Variants in STIM1 observed in about 807,000 individuals in gnomAD.
The protein encoded by STIM1 is stromal interaction molecule 1.
In STIM1, 25 loss-of-function variants were observed where a neutral mutation model predicts 74.7. The observed-to-expected ratio is 0.33, with a 90% CI of 0.24 to 0.47. The LOEUF (loss-of-function observed/expected upper bound fraction) is 0.47. Ranked by LOEUF, STIM1 falls within the 20% of genes least tolerant of loss-of-function variation. STIM1 has a pLI of 1.00. For synonymous variants in STIM1, 328 were observed against 348.8 expected (o/e 0.94, Z 0.66); for missense variants, 728 against 920.8 (o/e 0.79, Z 2.71).
At chr11:3,925,268 G>A (rs548302535) in intron 1 of STIM1, among the ~76,000 whole-genome samples, 9 of 152,276 alleles carry the variant, frequency 5.9e-5, no homozygotes, top group Admixed American at 1.3e-4. Context: ...GGTGGCGCAC[G>A]CCTGTAGTCC....
At chr11:3,888,800 T>C (rs1012143653) in intron 1 of STIM1, among the ~76,000 whole-genome samples, 6 of 152,066 alleles carry the variant, frequency 3.9e-5, no homozygotes, top group African/African-American at 1.2e-4. Flanking sequence ...GATCCGCCCG[T>C]GTCGGCTTCC....
intron 3 of STIM1, among the ~76,000 whole-genome samples, chr11:4,046,174 C>A (rs1000579377): frequency 7.1e-6 from 1 of 141,322 alleles, no homozygotes; most frequent in Non-Finnish European, 1.5e-5. Context: ...CAGTGATTCT[C>A]ATGCCTTAGC....
chr11:3,964,504 A>C (rs373441785), intron 1 of STIM1, among the ~76,000 whole-genome samples: 51 of 152,324 alleles, frequency 3.3e-4, no homozygotes, highest in African/African-American at 1.2e-3. Flanking sequence ...GTTACAAACC[A>C]GAGACTGGGT....
chr11:3,966,021 C>A (rs1307683104), intron 1 of STIM1, among the ~76,000 whole-genome samples: 1 of 151,928 alleles, frequency 6.6e-6, no homozygotes, highest in African/African-American at 2.4e-5. Context: ...AACAAACAAA[C>A]AAACAAACAA....
intron 1 of STIM1, among the ~76,000 whole-genome samples, chr11:3,883,778 A>G (rs2135338591): frequency 6.6e-6 from 1 of 152,378 alleles, no homozygotes; most frequent in East Asian, 1.9e-4. Flanking sequence ...GGATGTTAAT[A>G]AATGCTAAAT....
At position 4,091,295 on chromosome 11, in the gene STIM1, T is replaced by C; in HGVS notation, c.1648T>C (p.Ser550Pro). 1 of 1,614,210 alleles carries C rather than the reference T, an allele frequency of 6.2e-7. No individual in the cohort carries two copies. Among genetic ancestry groups the C allele is most frequent in the East Asian group, 2.2e-5 (1 of 44,886 alleles). The change falls in exon 13 of 13, where the codon TCC becomes CCC. Residue 550 changes from serine (S) to proline (P), a missense_variant. Transcript: ENST00000526596. ...CATGTCTTGCAGGGATTTGACCCAT[T>C]CCGATTCGGAGTCCTCCCTCCACAT... ...GLGSQRDLTH[S>P]DSESSLHMSD...
chr11:3,949,792 A>ATG (rs1565125256), intron 1 of STIM1, among the ~76,000 whole-genome samples: 1 of 152,134 alleles, frequency 6.6e-6, no homozygotes, highest in African/African-American at 2.4e-5. Context: ...GACAAGCTGT[A>ATG]GTATATCATG....
intron 5 of STIM1, among the ~76,000 whole-genome samples, chr11:4,061,312 G>A (rs1372804): frequency 0.35 from 53,053 of 151,900 alleles, 11,255 homozygotes; most frequent in Non-Finnish European, 0.46. Context: ...CAGGACAGGG[G>A]TATTCTTCTC....
intron 9 of STIM1, 36 bp from the exon 10 acceptor site, chr11:4,083,227 A>C (rs1243466747): frequency 6.2e-7 from 1 of 1,604,862 alleles, no homozygotes. Flanking sequence ...GCTCACACCA[A>C]GTCCATGCCT....
chr11:3,889,260 A>G (rs2091825501), intron 1 of STIM1, among the ~76,000 whole-genome samples: 1 of 151,736 alleles, frequency 6.6e-6, no homozygotes, highest in Non-Finnish European at 1.5e-5. Flanking sequence ...CAAGGAATAA[A>G]CTATATTTTA....
intron 3 of STIM1, among the ~76,000 whole-genome samples, chr11:4,040,144 G>A (rs959260736): frequency 6.6e-6 from 1 of 152,116 alleles, no homozygotes; most frequent in Non-Finnish European, 1.5e-5. Flanking sequence ...ATCTACCTCT[G>A]TGGTATTGGC....
chr11:3,862,266 T>C (rs911785295), intron 1 of STIM1, among the ~76,000 whole-genome samples: 2 of 152,082 alleles, frequency 1.3e-5, no homozygotes, highest in Non-Finnish European at 2.9e-5. Flanking sequence ...AGACCTGGGA[T>C]AGGAACTTGC....
intron 2 of STIM1, among the ~76,000 whole-genome samples, chr11:3,986,152 C>T (rs1264480074): frequency 1.3e-5 from 2 of 151,804 alleles, no homozygotes; most frequent in African/African-American, 4.8e-5. Flanking sequence ...TCACATATTA[C>T]TGAGGCAAAA....
At chr11:3,921,521 T>TAG (rs2092717687) in intron 1 of STIM1, among the ~76,000 whole-genome samples, 3 of 152,332 alleles carry the variant, frequency 2.0e-5, no homozygotes, top group Admixed American at 6.5e-5. Flanking sequence ...CAGACAGCAT[T>TAG]AGCACACTGG....
intron 11 of STIM1, 152 bp from the exon 12 acceptor site, chr11:4,086,325 G>A (rs1210112234): frequency 1.2e-6 from 1 of 804,116 alleles, no homozygotes; most frequent in Non-Finnish European, 2.0e-6. Flanking sequence ...AGGACCCCTG[G>A]TGGGAGGTTT....
Position 4,091,613 on chromosome 11 carries a change from G to C in STIM1, c.1966G>C (p.Asp656His), listed in dbSNP as rs1303957101. 6.2e-7 allele frequency: 1 copy of C among 1,614,092 alleles called. No individual in the cohort carries two copies. The highest frequency in any genetic ancestry group is 2.2e-5 in the East Asian group (1 of 44,892). Residue 656 changes from aspartate to histidine, a missense_variant, in exon 13 of 13, where the codon GAC becomes CAC. This residue lies in a region of STIM1 where 352 missense variants were observed against 370.1 expected (regional missense o/e 0.95). Coordinates refer to ENST00000526596, the MANE Select transcript of STIM1 (RefSeq NM_001382567.1). ...TCACAGCCCCAGCTCCCCAGACCCA[G>C]ACACACCATCTCCAGTTGGGGACAG... ...RSHSPSSPDP[D>H]TPSPVGDSRA...
At chr11:3,975,182 C>G (rs2093434849) in intron 2 of STIM1, among the ~76,000 whole-genome samples, 1 of 152,174 alleles carries the variant, frequency 6.6e-6, no homozygotes, top group South Asian at 2.1e-4. Context: ...TTATAGTAGT[C>G]TAGTGACTTT....
At chr11:4,040,651 A>C (rs2094140859) in intron 3 of STIM1, among the ~76,000 whole-genome samples, 1 of 152,248 alleles carries the variant, frequency 6.6e-6, no homozygotes, top group Non-Finnish European at 1.5e-5. Context: ...CCTGGCCCAG[A>C]GTAGGAATGC....
At chr11:3,969,446 C>A (rs903257551) in intron 2 of STIM1, among the ~76,000 whole-genome samples, 3 of 152,100 alleles carry the variant, frequency 2.0e-5, no homozygotes, top group African/African-American at 7.2e-5. Flanking sequence ...CATGCCATTG[C>A]ACTCCAGCCT....
Sources: allele counts gnomAD v4.1 joint callset (sites outside exome capture counted in the v4.1 genomes callset), GRCh38; gene constraint gnomAD v4.1.1; regional missense constraint gnomAD v4.1.1; transcripts MANE v1.5; gene names NCBI Gene and HGNC (gene_info 2026-07-23, HGNC 2026-07-21).